CRIM1: variants seen among roughly 807,000 people sequenced by gnomAD.
CRIM1 encodes the protein cysteine-rich motor neuron 1 protein.
In CRIM1, 32 loss-of-function variants were observed where a neutral mutation model predicts 116.4. The observed-to-expected ratio is 0.27, with a 90% CI of 0.21 to 0.37. The LOEUF (loss-of-function observed/expected upper bound fraction) is 0.37, where lower values mean the gene tolerates loss of function less well. Ranked by LOEUF, CRIM1 falls within the 10% of genes least tolerant of loss-of-function variation. The pLI, the probability that CRIM1 is intolerant of heterozygous loss-of-function variation, is 1.00. For synonymous variants in CRIM1, 590 were observed against 509.2 expected (o/e 1.16, Z -2.13); for missense variants, 1,331 against 1,354.8 (o/e 0.98, Z 0.28).
intron 1 of CRIM1, among the ~76,000 whole-genome samples, chr2:36,384,424 C>G (rs988998045): frequency 6.6e-6 from 1 of 152,092 alleles, no homozygotes; most frequent in Non-Finnish European, 1.5e-5. Flanking sequence ...TCTCTGGGAC[C>G]CCCAAAGTGA....
At chr2:36,374,569 C>T (rs375094975) in intron 1 of CRIM1, among the ~76,000 whole-genome samples, 1 of 152,096 alleles carries the variant, frequency 6.6e-6, no homozygotes, top group African/African-American at 2.4e-5. Flanking sequence ...ATGTTGCTAC[C>T]TTGTCTTCAT....
At chr2:36,430,793 G>A (rs948122638) in intron 2 of CRIM1, among the ~76,000 whole-genome samples, 2 of 152,180 alleles carry the variant, frequency 1.3e-5, no homozygotes, top group African/African-American at 4.8e-5. Context: ...AGCCTTTATG[G>A]TATGGGTCTA....
intron 8 of CRIM1, among the ~76,000 whole-genome samples, chr2:36,499,949 A>T (rs1190759612): frequency 6.6e-6 from 1 of 152,190 alleles, no homozygotes; most frequent in African/African-American, 2.4e-5. Flanking sequence ...TTCAGGTGAC[A>T]GTTCCTAGAA....
At chr2:36,518,224 TTTAA>T (rs1481505481) in intron 12 of CRIM1, among the ~76,000 whole-genome samples, 2 of 152,240 alleles carry the variant, frequency 1.3e-5, no homozygotes, top group Admixed American at 6.5e-5. Flanking sequence ...TAGTAGTACT[TTTAA>T]TTAATACTAG....
At chr2:36,446,229 T>G (rs80257131) in intron 4 of CRIM1, among the ~76,000 whole-genome samples, 2,621 of 152,290 alleles carry the variant, frequency 0.017, 67 homozygotes, top group African/African-American at 0.059. Flanking sequence ...CCCATCCAAA[T>G]GGAATTGCCC....
At chr2:36,405,962 C>T (rs1672747215) in intron 2 of CRIM1, among the ~76,000 whole-genome samples, 2 of 152,184 alleles carry the variant, frequency 1.3e-5, no homozygotes, top group South Asian at 4.1e-4. Context: ...TGATCCTTTT[C>T]ATAGGTTTAC....
At chr2:36,425,652 G>A (rs1294194840) in intron 2 of CRIM1, among the ~76,000 whole-genome samples, 1 of 152,292 alleles carries the variant, frequency 6.6e-6, no homozygotes, top group East Asian at 1.9e-4. Context: ...TGACTCAAAA[G>A]GGGGCTTACT....
intron 13 of CRIM1, among the ~76,000 whole-genome samples, chr2:36,531,191 G>T (rs961611274): frequency 6.6e-6 from 1 of 152,206 alleles, no homozygotes; most frequent in Non-Finnish European, 1.5e-5. Context: ...AAAGCAGCCT[G>T]ACTTCCTCCC....
At chr2:36,506,160 C>T (rs1681385444) in intron 8 of CRIM1, among the ~76,000 whole-genome samples, 1 of 60,774 alleles carries the variant, frequency 1.6e-5, no homozygotes, top group Admixed American at 2.5e-4. Flanking sequence ...CACACACACT[C>T]TCTCTCTCTC....
intron 8 of CRIM1, among the ~76,000 whole-genome samples, chr2:36,506,819 TATGA>T (rs1681464444): frequency 1.3e-5 from 2 of 152,284 alleles, no homozygotes; most frequent in South Asian, 4.1e-4. Flanking sequence ...CCTACCCTTC[TATGA>T]ATACTGTTTT....
At chr2:36,470,975 A>G (rs981463640) in intron 5 of CRIM1, among the ~76,000 whole-genome samples, 14 of 152,322 alleles carry the variant, frequency 9.2e-5, no homozygotes, top group African/African-American at 3.1e-4. Context: ...TCCAACCCTC[A>G]TGAATGACTT....
chr2:36,535,859 C>T (rs1461956045), intron 13 of CRIM1, among the ~76,000 whole-genome samples: 1 of 152,202 alleles, frequency 6.6e-6, no homozygotes, highest in Non-Finnish European at 1.5e-5. Flanking sequence ...ATAGCATTTA[C>T]ATCGTGTTAG....
chr2:36,406,582 G>C (rs1429302373), intron 2 of CRIM1, among the ~76,000 whole-genome samples: 1 of 149,974 alleles, frequency 6.7e-6, no homozygotes, highest in East Asian at 2.0e-4. Context: ...TTTTAAACTT[G>C]ATAAGTCTTA....
intron 1 of CRIM1, among the ~76,000 whole-genome samples, chr2:36,387,512 G>T (rs1003445685): frequency 9.9e-5 from 15 of 152,200 alleles, no homozygotes; most frequent in African/African-American, 3.6e-4. Flanking sequence ...TGGAACAGGG[G>T]AGAAGACCTG....
chr2:36,460,932 G>A (rs1677533279), intron 4 of CRIM1, among the ~76,000 whole-genome samples: 1 of 152,208 alleles, frequency 6.6e-6, no homozygotes, highest in Non-Finnish European at 1.5e-5. Flanking sequence ...GGAATGTGCA[G>A]AGGCCATTAG....
At chr2:36,483,625 C>A (rs1679591438) in intron 7 of CRIM1, among the ~76,000 whole-genome samples, 1 of 152,162 alleles carries the variant, frequency 6.6e-6, no homozygotes, top group African/African-American at 2.4e-5. Flanking sequence ...GTGCATTATA[C>A]CCTGAAAGAG....
chr2:36,496,631 A>T (rs1350222717), intron 7 of CRIM1, among the ~76,000 whole-genome samples: 1 of 152,190 alleles, frequency 6.6e-6, no homozygotes, highest in Admixed American at 6.5e-5. Flanking sequence ...ATGCAATTTT[A>T]TTTGTTCAAG....
chr2:36,389,850 A>G (rs937244650), intron 1 of CRIM1, among the ~76,000 whole-genome samples: 2 of 152,152 alleles, frequency 1.3e-5, no homozygotes, highest in African/African-American at 4.8e-5. Flanking sequence ...TGAATCCAGG[A>G]CCACTCAGGC....
chr2:36,420,159 T>C (rs373752627), intron 2 of CRIM1, among the ~76,000 whole-genome samples: 2 of 152,352 alleles, frequency 1.3e-5, no homozygotes, highest in South Asian at 4.1e-4. Context: ...CCATGTTTAG[T>C]GTTCTCTTGC....
Sources: allele counts gnomAD v4.1 joint callset (sites outside exome capture counted in the v4.1 genomes callset), GRCh38; gene constraint gnomAD v4.1.1; transcripts MANE v1.5; gene names NCBI Gene and HGNC (gene_info 2026-07-23, HGNC 2026-07-21).